The following STK3 variants were observed in gnomAD, a reference collection of about 807,000 sequenced individuals.
The protein encoded by STK3 is serine/threonine-protein kinase 3.
A neutral mutation model predicts 58.0 loss-of-function variants in STK3; 41 were observed. The ratio of observed to expected loss-of-function variants is 0.71; its 90% CI spans 0.55 to 0.92. The LOEUF is 0.92. STK3 is among the 40% of genes least tolerant of loss of function. The pLI, the probability that STK3 is intolerant of heterozygous loss-of-function variation, is 0.00. For missense variants in STK3, 479 were observed against 602.7 expected (o/e 0.79, Z 2.15); for synonymous variants, 170 against 191.0 (o/e 0.89, Z 0.91).
At chr8:98,578,841 G>A (rs1485939804) in intron 8 of STK3, among the ~76,000 whole-genome samples, 4 of 152,082 alleles carry the variant, frequency 2.6e-5, no homozygotes, top group African/African-American at 7.2e-5. Context: ...AAAATAATTA[G>A]CAAGGTATAG....
the STK3 span, among the ~76,000 whole-genome samples, chr8:98,352,255 AG>A: frequency 1.3e-5 from 2 of 152,208 alleles, no homozygotes; most frequent in Non-Finnish European, 2.9e-5. Flanking sequence ...AATAATTTCA[AG>A]GGAATGAAAG....
intron 3 of STK3, among the ~76,000 whole-genome samples, chr8:98,858,179 C>T (rs1008499083): frequency 6.0e-5 from 9 of 150,184 alleles, no homozygotes; most frequent in African/African-American, 2.2e-4. Flanking sequence ...ATCAGGAGTT[C>T]GAGACCAGCC....
downstream of STK3, chr8:98,883,612 G>A: frequency 1.4e-6 from 1 of 701,958 alleles, no homozygotes; most frequent in Non-Finnish European, 2.6e-6. Context: ...CTGCTGCCTG[G>A]TCTGAGGAGG....
At chr8:98,499,485 A>T (rs1319329416) in intron 10 of STK3, among the ~76,000 whole-genome samples, 1 of 152,176 alleles carries the variant, frequency 6.6e-6, no homozygotes, top group African/African-American at 2.4e-5. Flanking sequence ...AAGGAGTGGG[A>T]GGTGCATGAT....
chr8:98,418,484 T>C (rs1297910786), intron 3 of STK3, among the ~76,000 whole-genome samples: 1 of 152,102 alleles, frequency 6.6e-6, no homozygotes, highest in East Asian at 1.9e-4. Context: ...GATGGATGGA[T>C]GGATCGATGG....
chr8:98,620,632 C>G (rs1201700870), intron 6 of STK3, among the ~76,000 whole-genome samples: 1 of 149,702 alleles, frequency 6.7e-6, no homozygotes, highest in Non-Finnish European at 1.5e-5. Flanking sequence ...CTTGAAGAGC[C>G]TAGACAAAGA....
intron 8 of STK3, among the ~76,000 whole-genome samples, chr8:98,561,036 AAAAAG>A (rs1189089535): frequency 1.3e-5 from 2 of 152,144 alleles, no homozygotes; most frequent in African/African-American, 2.4e-5. Flanking sequence ...GCCGTGTCCA[AAAAAG>A]AAAAGAAAAG....
chr8:98,714,509 T>C (rs777860869), intron 4 of STK3, among the ~76,000 whole-genome samples: 63 of 152,206 alleles, frequency 4.1e-4, no homozygotes, highest in Non-Finnish European at 7.4e-4. Context: ...GAGAGACAAA[T>C]CATGAGTGAA....
rs975298491 is a variant in STK3, at chr8:98,740,986, AAG to A, written c.351+8288_351+8289del. On this transcript the variant is annotated intron_variant, in intron 4 of 10. Coordinates refer to ENST00000419617, the MANE Select transcript of STK3 (RefSeq NM_006281.4). ...CAGACTTTAAACCAACAAAGATCAAAAGAGACAAAGAAGGCCATTACATAATG... is the reference window on the plus strand; with the variant it reads ...CAGACTTTAAACCAACAAAGATCAAAAGACAAAGAAGGCCATTACATAATG... Among the ~76,000 whole-genome samples the A allele has an allele frequency of 5.5e-4, 84 of 152,270 alleles. 1 individual carries two copies. Among genetic ancestry groups the A allele is most frequent in the African/African-American group, 1.7e-3 (71 of 41,566 alleles).
chr8:98,393,333 A>G (rs1016439172), intron 3 of STK3, among the ~76,000 whole-genome samples: 2 of 152,140 alleles, frequency 1.3e-5, no homozygotes, highest in Non-Finnish European at 2.9e-5. Context: ...ATTCCTATGG[A>G]TCGCCACCTC....
At chr8:98,459,502 G>A (rs993968902) in intron 10 of STK3, among the ~76,000 whole-genome samples, 1 of 152,218 alleles carries the variant, frequency 6.6e-6, no homozygotes, top group South Asian at 2.1e-4. Flanking sequence ...GGAGAAATTC[G>A]AGCCTGCAGC....
intron 2 of STK3, chr8:98,371,755 C>T (rs993819850): frequency 6.6e-6 from 1 of 152,192 alleles, no homozygotes; most frequent in Non-Finnish European, 1.5e-5. Context: ...ACTGCTGGAA[C>T]CTTCGTCTCA....
intron 3 of STK3, among the ~76,000 whole-genome samples, chr8:98,868,899 C>A (rs369933765): frequency 2.0e-5 from 3 of 151,858 alleles, no homozygotes; most frequent in Non-Finnish European, 4.4e-5. Context: ...ATAGCTTGAG[C>A]CTGGGAGGTC....
In STK3 at chr8:98,426,096, C is replaced by T. The variant is rs967557297; in HGVS notation, n.483+8031G>A. Among the ~76,000 whole-genome samples the T allele has an allele frequency of 4.6e-4, 70 of 152,260 alleles. 2 individuals carry two copies. Among genetic ancestry groups the T allele is most frequent in the Admixed American group, 4.4e-3 (68 of 15,290 alleles). On this transcript the variant is annotated intron_variant and non_coding_transcript_variant, in intron 3 of 3. Transcript: ENST00000517832. Reference sequence around the variant, plus strand: ...TCTTCTTAGGAATAGGGACACAGATCCTGAGCACATCTACCAGTCCCCACT... The same window carrying T: ...TCTTCTTAGGAATAGGGACACAGATTCTGAGCACATCTACCAGTCCCCACT...
At chr8:98,602,836 G>A (rs1816467144) in intron 6 of STK3, among the ~76,000 whole-genome samples, 1 of 149,446 alleles carries the variant, frequency 6.7e-6, no homozygotes, top group Admixed American at 6.7e-5. Context: ...CAAAAGATCT[G>A]AGAAATCAGT....
Position 98,749,389 on chromosome 8 carries a change from G to C in STK3, c.238C>G (p.Pro80Ala). 1 of 1,500,454 alleles carries C rather than the reference G, an allele frequency of 6.7e-7. No individual in the cohort carries two copies. Among genetic ancestry groups the C allele is most frequent in the East Asian group, 2.3e-5 (1 of 43,788 alleles). 92.9% of individuals were successfully genotyped at this position (1,500,454 alleles called of 1,614,324 possible). Residue 80 changes from proline (P) to alanine (A), a missense_variant and splice_region_variant, in exon 4 of 11, where the codon CCA (proline) becomes GCA (alanine). This residue lies in a region of STK3 where 126 missense variants were observed against 210.1 expected (regional missense o/e 0.60). Transcript: ENST00000419617. ...CTGCCATAGTACTTTACAACATATG[G>C]GCTAAAGGAAAATACATAAACAATT... is the stretch of plus-strand genomic sequence containing the variant. Reference protein sequence around the residue: ...EISIMQQCDSPYVVKYYGSYF... With the variant: ...EISIMQQCDSAYVVKYYGSYF...
chr8:98,630,562 G>C (rs1587087991), intron 6 of STK3, among the ~76,000 whole-genome samples: 1 of 152,102 alleles, frequency 6.6e-6, no homozygotes, highest in Non-Finnish European at 1.5e-5. Flanking sequence ...AGAATCACTT[G>C]AGCCTGGGAG....
At chr8:98,451,051 A>G (rs1819175693), downstream of STK3, among the ~76,000 whole-genome samples, 1 of 152,184 alleles carries the variant, frequency 6.6e-6, no homozygotes, top group African/African-American at 2.4e-5. Context: ...CAAAGGGAAT[A>G]TGCATCTTCT....
intron 10 of STK3, among the ~76,000 whole-genome samples, chr8:98,520,717 T>C (rs1825294484): frequency 1.3e-5 from 2 of 152,072 alleles, no homozygotes; most frequent in South Asian, 4.1e-4. Flanking sequence ...AGATGCATCA[T>C]GAAGAGGGAA....
Sources: gnomAD v4.1 joint callset for allele counts (sites outside exome capture counted in the v4.1 genomes callset) on GRCh38, gnomAD v4.1.1 for gene constraint, gnomAD v4.1.1 regional missense constraint, MANE v1.5 for transcripts, NCBI Gene and HGNC (gene_info 2026-07-23, HGNC 2026-07-21) for gene names.